The following TUB variants were observed in gnomAD, a reference collection of about 807,000 sequenced individuals.
The protein encoded by TUB is tubby protein homolog.
TUB carries 33 observed loss-of-function variants against 59.7 expected under a neutral mutation model. The ratio of observed to expected loss-of-function variants is 0.55; its 90% CI spans 0.42 to 0.74. The LOEUF (loss-of-function observed/expected upper bound fraction) is 0.74, where lower values mean the gene tolerates loss of function less well. Ranked by LOEUF, TUB falls within the 30% of genes least tolerant of loss-of-function variation. The pLI is 0.00. For missense variants in TUB, 659 were observed against 672.0 expected (o/e 0.98, Z 0.21); for synonymous variants, 293 against 256.4 (o/e 1.14, Z -1.36).
chr11:8,083,779 G>C (rs960118744), intron 1 of TUB, among the ~76,000 whole-genome samples: 1 of 152,136 alleles, frequency 6.6e-6, no homozygotes, highest in African/African-American at 2.4e-5. Context: ...GTAGAGAGGG[G>C]GGTGTGTAGC....
intron 1 of TUB, among the ~76,000 whole-genome samples, chr11:8,087,673 G>A (rs930340652): frequency 6.6e-5 from 10 of 152,358 alleles, no homozygotes; most frequent in South Asian, 6.2e-4. Flanking sequence ...GGCTGACCAC[G>A]GGGGACACTG....
At chr11:8,032,076 C>A (rs570797460) in intron 1 of TUB, among the ~76,000 whole-genome samples, 1 of 152,046 alleles carries the variant, frequency 6.6e-6, no homozygotes, top group Admixed American at 6.5e-5. Flanking sequence ...CGCGACTGCA[C>A]AGAGCCTCCC....
chr11:8,066,117 C>A (rs1943237646), intron 2 of TUB, among the ~76,000 whole-genome samples: 1 of 152,104 alleles, frequency 6.6e-6, no homozygotes, highest in African/African-American at 2.4e-5. Flanking sequence ...GGGGAGGCTG[C>A]CCTGAGGCTG....
At chr11:8,088,726 A>G (rs1943713595) in intron 1 of TUB, among the ~76,000 whole-genome samples, 1 of 152,188 alleles carries the variant, frequency 6.6e-6, no homozygotes, top group African/African-American at 2.4e-5. Flanking sequence ...GGTCTCATGC[A>G]TGTGTCTCTG....
Position 8,075,393 on chromosome 11 carries a change from T to C in TUB, c.204-14217T>C, listed in dbSNP as rs144923682. ...TCTATCACTTCTTATCAGTGTGACT[T>C]TCAGCAGATTATATATAACCTTTTA... is the stretch of plus-strand genomic sequence containing the variant. On this transcript the variant is annotated intron_variant, in intron 2 of 12. Coordinates refer to the TUB transcript ENST00000305253. 2.6e-5 allele frequency among the ~76,000 whole-genome samples: 4 copies of C among 152,322 alleles called. No individual in the cohort carries two copies. In the East Asian group the frequency reaches 5.8e-4, roughly 22 times the overall value.
At chr11:8,089,065 G>A (rs1943720418) in intron 1 of TUB, among the ~76,000 whole-genome samples, 1 of 152,190 alleles carries the variant, frequency 6.6e-6, no homozygotes. Context: ...GTGGGGAAGG[G>A]GAGTAGACAA....
chr11:8,093,413 G>A (rs887467408), intron 3 of TUB, among the ~76,000 whole-genome samples: 1 of 152,168 alleles, frequency 6.6e-6, no homozygotes, highest in Non-Finnish European at 1.5e-5. Flanking sequence ...GAGAATGTTG[G>A]TCTTCAGCTT....
rs143038205 is a variant in TUB at position 8,048,591 on chromosome 11, A to G, written c.203+8899A>G. 6.8e-3 allele frequency among the ~76,000 whole-genome samples: 1,029 copies of G among 152,112 alleles called. 10 individuals carry two copies. The highest frequency in any genetic ancestry group is 0.022 in the African/African-American group (921 of 41,476). The stretch of plus-strand genomic sequence containing the variant: ...TAAATCTTTGTTTTCTTTTTTGTGG[A>G]GACAGGGCCTCATTATGTTGCCCAG... On this transcript the variant is annotated intron_variant, in intron 2 of 12. Transcript: ENST00000305253.
At chr11:8,056,465 A>G (rs1589937275) in intron 2 of TUB, among the ~76,000 whole-genome samples, 1 of 152,006 alleles carries the variant, frequency 6.6e-6, no homozygotes, top group African/African-American at 2.4e-5. Flanking sequence ...TTGTGCTGAC[A>G]GGGGAAGGCA....
In TUB at chr11:8,102,128, A is replaced by C. The variant is rs1341183686; in HGVS notation, c.*509A>C. ...GGCTTGGTGGCCAAGCCTGGCCCTTAAACAACTGCAGAAAGCCCTTCAACT... is the reference window on the plus strand; with the variant it reads ...GGCTTGGTGGCCAAGCCTGGCCCTTCAACAACTGCAGAAAGCCCTTCAACT... On this transcript the variant is annotated 3_prime_UTR_variant, in exon 12 of 12. Transcript: ENST00000299506. 1 of 153,388 alleles carries C rather than the reference A, an allele frequency of 6.5e-6. No homozygotes were observed. Among genetic ancestry groups the C allele is most frequent in the Non-Finnish European group, 1.5e-5 (1 of 68,786 alleles). 9.5% of individuals were successfully genotyped at this position (153,388 alleles called of 1,614,324 possible). A position where few individuals can be genotyped will look rare whatever the true frequency, so the allele number is the denominator to read the frequency against.
At chr11:8,068,297 A>G (rs1304410473) in intron 2 of TUB, 1 of 152,244 alleles carries the variant, frequency 6.6e-6, no homozygotes, top group East Asian at 1.9e-4. Flanking sequence ...GGCCGCATCT[A>G]GCTCTGCCCT....
chr11:8,055,498 T>A (rs73396747), intron 2 of TUB, among the ~76,000 whole-genome samples: 1,570 of 152,158 alleles, frequency 0.01, 22 homozygotes, highest in African/African-American at 0.033. Flanking sequence ...CCACCCAGCA[T>A]CTGCTGCACA....
intron 2 of TUB, among the ~76,000 whole-genome samples, chr11:8,050,855 T>C (rs1942924111): frequency 6.6e-6 from 1 of 152,248 alleles, no homozygotes; most frequent in Non-Finnish European, 1.5e-5. Context: ...CTTTTACTGG[T>C]TCCACAATAA....
At chr11:8,098,943 C>T in intron 9 of TUB, 68 bp downstream of exon 9, 1 of 1,149,838 alleles carries the variant, frequency 8.7e-7, no homozygotes, top group Non-Finnish European at 1.3e-6. Flanking sequence ...GATGCCTGAT[C>T]TAGGGGCTAT....
intron 5 of TUB, among the ~76,000 whole-genome samples, chr11:8,095,971 G>T (rs11041740): frequency 0.25 from 38,279 of 152,232 alleles, 5,387 homozygotes; most frequent in African/African-American, 0.38. Context: ...AAGAGACGGG[G>T]TAGATCCTCC....
chr11:8,080,941 G>A (rs2133812098), upstream of TUB, among the ~76,000 whole-genome samples: 1 of 152,346 alleles, frequency 6.6e-6, no homozygotes, highest in Middle Eastern at 3.4e-3. Flanking sequence ...AGATAGGTAG[G>A]GCAGGTACAC....
At chr11:8,089,797 T>C (rs927634519) in intron 2 of TUB, 136 bp downstream of exon 2, 1 of 1,228,854 alleles carries the variant, frequency 8.1e-7, no homozygotes, top group Non-Finnish European at 1.2e-6. Context: ...AGAAGAGAGG[T>C]GCACTCTCTC....
intron 2 of TUB, among the ~76,000 whole-genome samples, chr11:8,049,218 G>A (rs1942887915): frequency 6.6e-6 from 1 of 151,974 alleles, no homozygotes; most frequent in Non-Finnish European, 1.5e-5. Flanking sequence ...CTAACCCAAG[G>A]GGACTTTCAG....
At chr11:8,041,506 C>T (rs1263132943) in intron 2 of TUB, among the ~76,000 whole-genome samples, 1 of 152,188 alleles carries the variant, frequency 6.6e-6, no homozygotes, top group Non-Finnish European at 1.5e-5. Flanking sequence ...TTGTTGTCTT[C>T]AACTTGTTGA....
Sources: gnomAD v4.1 joint callset for allele counts (sites outside exome capture counted in the v4.1 genomes callset) on GRCh38, gnomAD v4.1.1 for gene constraint, MANE v1.5 for transcripts, NCBI Gene and HGNC (gene_info 2026-07-23, HGNC 2026-07-21) for gene names.